FCMR: variants seen among roughly 807,000 people sequenced by gnomAD.
FCMR encodes Fc mu receptor, also known as immunoglobulin mu Fc receptor.
A neutral mutation model predicts 41.6 loss-of-function variants in FCMR; 34 were observed. That is an observed-to-expected ratio of 0.82 (90% CI 0.62 to 1.09). FCMR has a LOEUF of 1.09. Ranked by LOEUF, FCMR falls within the 50% of genes least tolerant of loss-of-function variation. FCMR has a pLI of 0.00. For synonymous variants in FCMR, 209 were observed against 211.8 expected, an observed-to-expected ratio of 0.99 and a Z score of 0.12; for missense variants, 496 against 512.5, an observed-to-expected ratio of 0.97 and a Z score of 0.31.
chr1:206,922,161 G>T (rs999814319), upstream of FCMR, among the ~76,000 whole-genome samples: 2 of 152,194 alleles, frequency 1.3e-5, no homozygotes, highest in African/African-American at 4.8e-5. Context: ...CAGTGACCAG[G>T]CCTGATATTC....
intron 7 of FCMR, chr1:206,907,489 C>G: frequency 2.4e-6 from 1 of 417,930 alleles, no homozygotes; most frequent in Non-Finnish European, 4.6e-6. Flanking sequence ...CTGTCCCTGT[C>G]TGAGCCTTTA....
At chr1:206,915,285 G>A (rs1247036298) in intron 1 of FCMR, among the ~76,000 whole-genome samples, 2 of 152,180 alleles carry the variant, frequency 1.3e-5, no homozygotes, top group Non-Finnish European at 2.9e-5. Context: ...GGCGCCTGAT[G>A]TAGGCTGTTG....
At chr1:206,907,849 C>T in intron 7 of FCMR, 1 of 1,396,322 alleles carries the variant, frequency 7.2e-7, no homozygotes, top group Non-Finnish European at 1.0e-6. Flanking sequence ...CGGCCCCCAG[C>T]CGCATCTTGT....
In FCMR at chr1:206,910,262, G is replaced by A. The variant is rs761748435; in HGVS notation, c.789C>T (p.Phe263=). Residue 263 remains phenylalanine, a synonymous_variant, in exon 5 of 8, where the codon TTC becomes TTT. Transcript: ENST00000367091. ...CCACCAGCCCCAGAAGTGCCAGCAG[G>A]AAAAGGCCCAGGATGGTCGGGATCA... ...HILIPTILGL[F]LLALLGLVVK... is the part of the protein sequence containing the mutation. 2.8e-5 allele frequency: 44 copies of A among 1,588,236 alleles called. No individual in the cohort carries two copies. Among genetic ancestry groups the A allele is most frequent in the Non-Finnish European group, 3.6e-5 (42 of 1,167,562 alleles).
rs141829505 is a variant in FCMR at position 206,916,911 on chromosome 1, G to C, written c.38-2817C>G. Among the ~76,000 whole-genome samples the C allele has an allele frequency of 3.6e-3, 555 of 152,290 alleles. 9 individuals carry two copies. The highest frequency in any genetic ancestry group is 0.013 in the African/African-American group (544 of 41,556). On this transcript the variant is annotated intron_variant, in intron 1 of 7. Coordinates refer to ENST00000367091, the MANE Select transcript of FCMR (RefSeq NM_005449.5). ...GGTGCTCTTGCATTTCTGCAATCCTGGGCTATATAACATTTACAAATGATT... is the reference window on the plus strand; with the variant it reads ...GGTGCTCTTGCATTTCTGCAATCCTCGGCTATATAACATTTACAAATGATT...
In FCMR at chr1:206,914,227, C is replaced by G. The variant is rs1180939875; in HGVS notation, c.38-133G>C. ...CCCAACCTCACATTCATCCCCAGAT[C>G]CAGCCCTGTCCCAATTATTAGCCTG... is the stretch of plus-strand genomic sequence containing the variant. On this transcript the variant is annotated intron_variant, in intron 1 of 7. Transcript: ENST00000367091. 5 of 648,656 alleles carry G rather than the reference C, an allele frequency of 7.7e-6. No homozygotes were observed. In the East Asian group the frequency reaches 1.1e-4, roughly 14 times the overall value. 40.2% of individuals were successfully genotyped at this position (648,656 alleles called of 1,614,324 possible).
upstream of FCMR, chr1:206,923,116 T>C (rs1368773926): frequency 6.6e-6 from 1 of 152,470 alleles, no homozygotes. Flanking sequence ...AAGGACCTCT[T>C]GTGCCCCTGG....
chr1:206,913,059 G>A lies in FCMR; in HGVS notation c.374-17C>T, dbSNP rs542951705. 1.5e-5 allele frequency: 23 copies of A among 1,582,820 alleles called. No homozygotes were observed. The South Asian group carries it at 2.2e-4, about 15-fold the overall frequency. On this transcript the variant is annotated splice_polypyrimidine_tract_variant and intron_variant, in intron 2 of 7. Coordinates refer to ENST00000367091, the MANE Select transcript of FCMR (RefSeq NM_005449.5). ...GCTCGTATTCTATTGGAAGGAAGAG[G>A]AATATGTTGGTGGTCTCTAGGGGGA... is the stretch of plus-strand genomic sequence containing the variant.
Position 206,909,495 on chromosome 1 carries a change from G to C in FCMR, c.1011C>G (p.Gly337=). 7.8e-7 allele frequency: 1 copy of C among 1,285,602 alleles called. No individual in the cohort carries two copies. The highest frequency in any genetic ancestry group is 9.8e-7 in the Non-Finnish European group (1 of 1,018,040). 79.6% of individuals were successfully genotyped at this position (1,285,602 alleles called of 1,614,324 possible). A position where few individuals can be genotyped will look rare whatever the true frequency, so the allele number is the denominator to read the frequency against. ...AAGTGEAPVP[G]PGAPLPPAPL... ...GGGCGGGGGGCAACGGCGCTCCGGG[G>C]CCGGGAACGGGGGCCTCCCCTGTGC... The change falls in exon 7 of 8, where the codon GGC becomes GGG. Residue 337 remains glycine, a synonymous_variant. Coordinates refer to ENST00000367091, the MANE Select transcript of FCMR (RefSeq NM_005449.5). The surrounding 1 kb of genome is among the most constrained non-coding windows in gnomAD (Gnocchi z 5.0).
intron 1 of FCMR, among the ~76,000 whole-genome samples, chr1:206,916,853 T>C (rs1457084867): frequency 6.6e-6 from 1 of 152,228 alleles, no homozygotes; most frequent in Non-Finnish European, 1.5e-5. Flanking sequence ...TAGGGCATGG[T>C]CTAGAAATAC....
intron 7 of FCMR, among the ~76,000 whole-genome samples, chr1:206,908,736 CAG>C (rs1433310223): frequency 6.6e-6 from 1 of 151,486 alleles, no homozygotes; most frequent in East Asian, 1.9e-4. Flanking sequence ...AAAAAAAAAA[CAG>C]GGATTTTTAC....
chr1:206,911,602 T>C lies in FCMR; in HGVS notation c.710+128A>G. On this transcript the variant is annotated intron_variant, in intron 4 of 7. Transcript: ENST00000367091. ...CTAATGAGTTAATGAGCTATACTCA[T>C]AGGTGGTATATTTCACAGTGGCCTA... is the stretch of plus-strand genomic sequence containing the variant. 7.4e-6 allele frequency: 6 copies of C among 812,962 alleles called. No individual in the cohort carries two copies. The South Asian group carries it at 7.5e-5, about 10-fold the overall frequency. 50.4% of individuals were successfully genotyped at this position (812,962 alleles called of 1,614,324 possible). A position where few individuals can be genotyped will look rare whatever the true frequency, so the allele number is the denominator to read the frequency against.
intron 5 of FCMR, 136 bp downstream of exon 5, chr1:206,910,074 C>G: frequency 2.5e-6 from 3 of 1,187,874 alleles, no homozygotes. Flanking sequence ...CCAGTGGCCC[C>G]CACTTCCCTA....
intron 7 of FCMR, chr1:206,906,108 G>T: frequency 2.2e-6 from 1 of 457,370 alleles, no homozygotes; most frequent in South Asian, 1.8e-5. Context: ...AGCACATGTT[G>T]GTAGCACTCC....
intron 4 of FCMR, among the ~76,000 whole-genome samples, chr1:206,910,955 A>G (rs2102554868): frequency 6.6e-6 from 1 of 152,326 alleles, no homozygotes; most frequent in Non-Finnish European, 1.5e-5. Context: ...TTATCAAGTC[A>G]GACTTATGTT....
chr1:206,909,766 T>A lies in FCMR; in HGVS notation c.944A>T (p.Tyr315Phe). 1 of 1,464,166 alleles carries A rather than the reference T, an allele frequency of 6.8e-7. No homozygotes were observed. The highest frequency in any genetic ancestry group is 1.3e-5 in the South Asian group (1 of 74,902). 90.7% of individuals were successfully genotyped at this position (1,464,166 alleles called of 1,614,324 possible). The change falls in exon 6 of 8, where the codon TAC (tyrosine) becomes TTC (phenylalanine). Residue 315 changes from tyrosine (Y) to phenylalanine (F), a missense_variant. By Grantham distance (22) the Tyr-to-Phe change is conservative (BLOSUM62 3). Coordinates refer to ENST00000367091, the MANE Select transcript of FCMR (RefSeq NM_005449.5). This position sits in a 1 kb window ranked among gnomAD's most constrained non-coding sequence, Gnocchi z 5.0. ...ACGAGCGCGCCGCGGGCAGGCGCTG[T>A]AGATGTTGTTTTGGGAGCGCGGTCG... ...SPRPRSQNNI[Y>F]SACPRRARGA... is the part of the protein sequence containing the mutation.
Position 206,909,554 on chromosome 1 carries a change from C to T in FCMR, c.986-34G>A. 1 of 1,310,312 alleles carries T rather than the reference C, an allele frequency of 7.6e-7. No homozygotes were observed. Among genetic ancestry groups the T allele is most frequent in the Non-Finnish European group, 9.7e-7 (1 of 1,027,392 alleles). 81.2% of individuals were successfully genotyped at this position (1,310,312 alleles called of 1,614,324 possible). The stretch of plus-strand genomic sequence containing the variant: ...CAGCGAGGGCGAGGTGAGGCGGCGG[C>T]CGAGGCTCCCGCCCCACCGTCATGC... On this transcript the variant is annotated intron_variant, in intron 6 of 7. Transcript: ENST00000367091. This position sits in a 1 kb window ranked among gnomAD's most constrained non-coding sequence, Gnocchi z 5.0.
In FCMR at chr1:206,905,149, T is replaced by G. The variant is rs1678569949; in HGVS notation, c.1045-2A>C. ...ATGGAGCCAGGGAGATTCAGACACCTGGGGACAATGAAAGAAGCATCACTG... is the reference window on the plus strand; with the variant it reads ...ATGGAGCCAGGGAGATTCAGACACCGGGGGACAATGAAAGAAGCATCACTG... On this transcript the variant is annotated splice_acceptor_variant, in intron 7 of 7. Transcript: ENST00000367091. LOFTEE classifies it high-confidence loss of function. 6.2e-7 allele frequency: 1 copy of G among 1,613,850 alleles called. No individual in the cohort carries two copies. Among genetic ancestry groups the G allele is most frequent in the African/African-American group, 1.3e-5 (1 of 74,880 alleles).
rs763326970 is a variant in FCMR at position 206,911,953 on chromosome 1, C to T, written c.488-1G>A. 1.2e-6 allele frequency: 2 copies of T among 1,608,450 alleles called. No homozygotes were observed. The highest frequency in any genetic ancestry group is 2.2e-5 in the East Asian group (1 of 44,842). On this transcript the variant is annotated splice_acceptor_variant, in intron 3 of 7. Coordinates refer to ENST00000367091, the MANE Select transcript of FCMR (RefSeq NM_005449.5). LOFTEE classifies it high-confidence loss of function. ...TTGCCCCTTTGAGCTGGTGTGGTAA[C>T]TGCAGGAGGTAGCAGGAAAAAGGGA...
Sources: gnomAD v4.1 joint callset for allele counts (sites outside exome capture counted in the v4.1 genomes callset) on GRCh38, gnomAD v4.1.1 for gene constraint, Gnocchi (gnomAD v3.1) non-coding constraint, MANE v1.5 for transcripts, NCBI Gene and HGNC (gene_info 2026-07-23, HGNC 2026-07-21) for gene names.